MIGA2: variants seen among roughly 807,000 people sequenced by gnomAD.
MIGA2 encodes mitoguardin 2.
Under a neutral mutation model 69.9 loss-of-function variants are expected in MIGA2, and 36 were observed. That is an observed-to-expected ratio of 0.52 (90% CI 0.39 to 0.68). MIGA2 has a LOEUF of 0.68. Among genes scored for constraint, MIGA2 ranks in the 30% least tolerant of loss-of-function variants. The probability of loss-of-function intolerance (pLI) is 0.00; values close to 1 mark genes in which losing one functional copy is unlikely to be tolerated. For synonymous variants in MIGA2, 333 were observed against 349.2 expected (o/e 0.95, Z 0.52); for missense variants, 660 against 787.7 (o/e 0.84, Z 1.94).
At chr9:129,049,521 C>T in intron 5 of MIGA2, 23 bp downstream of exon 5, 1 of 1,607,396 alleles carries the variant, frequency 6.2e-7, no homozygotes, top group Non-Finnish European at 8.5e-7. Context: ...GGTGCCTCAG[C>T]TTCGAGGGCA....
intron 10 of MIGA2, 47 bp from the exon 11 acceptor site, chr9:129,063,498 G>C: frequency 6.2e-7 from 1 of 1,604,706 alleles, no homozygotes; most frequent in Non-Finnish European, 8.5e-7. Context: ...GGCTTTGAGG[G>C]ACTGCCGTGC....
chr9:129,037,910 C>A (rs1377563660), intron 1 of MIGA2, among the ~76,000 whole-genome samples: 1 of 152,166 alleles, frequency 6.6e-6, no homozygotes, highest in Non-Finnish European at 1.5e-5. Flanking sequence ...AGAGCCTCCG[C>A]GTTTCCCCAT....
intron 6 of MIGA2, among the ~76,000 whole-genome samples, chr9:129,053,521 G>A (rs1253108628): frequency 6.6e-6 from 1 of 151,774 alleles, no homozygotes; most frequent in Non-Finnish European, 1.5e-5. Context: ...GTGTCACCAC[G>A]CCCGGCTAAT....
chr9:129,062,012 T>C (rs1301491322), intron 9 of MIGA2, among the ~76,000 whole-genome samples: 2 of 151,740 alleles, frequency 1.3e-5, no homozygotes, highest in East Asian at 3.9e-4. Context: ...ATTATTATCT[T>C]ATTATGATAA....
In MIGA2 at chr9:129,070,557, C is replaced by T. The variant is rs1027839689; in HGVS notation, c.*104C>T. 8 of 1,284,898 alleles carry T rather than the reference C, an allele frequency of 6.2e-6. No homozygotes were observed. The Admixed American group carries it at 1.7e-4, about 27-fold the overall frequency. The allele number at this position is 1,284,898 out of a possible 1,614,324, so 79.6% of individuals were successfully genotyped here. Reference sequence around the variant, plus strand: ...TGAGGGCCGTTGCCCCTGACTTTGCCCCACCCCCATCATCTGGGAGTCCCC... The same window carrying T: ...TGAGGGCCGTTGCCCCTGACTTTGCTCCACCCCCATCATCTGGGAGTCCCC... On this transcript the variant is annotated 3_prime_UTR_variant, in exon 16 of 16. Transcript: ENST00000684074.
At chr9:129,053,485 T>C (rs1346614775) in intron 6 of MIGA2, among the ~76,000 whole-genome samples, 3 of 151,856 alleles carry the variant, frequency 2.0e-5, no homozygotes, top group African/African-American at 7.3e-5. Flanking sequence ...TGCCTCAGCC[T>C]CCCGAGTAGT....
intron 6 of MIGA2, among the ~76,000 whole-genome samples, chr9:129,055,414 C>G (rs1362340472): frequency 6.6e-6 from 1 of 151,976 alleles, no homozygotes; most frequent in Non-Finnish European, 1.5e-5. Flanking sequence ...ATGATAAAGA[C>G]TAGTATCTAC....
chr9:129,049,725 T>C (rs1845417941), intron 5 of MIGA2, 102 bp from the exon 6 acceptor site: 2 of 1,577,740 alleles, frequency 1.3e-6, no homozygotes, highest in Admixed American at 3.6e-5. Flanking sequence ...CCCACCCAGT[T>C]CTTGCCCTTC....
At chr9:129,041,180 C>T (rs1283218935) in intron 2 of MIGA2, among the ~76,000 whole-genome samples, 1 of 152,166 alleles carries the variant, frequency 6.6e-6, no homozygotes, top group Non-Finnish European at 1.5e-5. Context: ...ACCAAAAGTA[C>T]AAAAATTAGC....
At chr9:129,048,978 G>C (rs1845378399) in intron 4 of MIGA2, among the ~76,000 whole-genome samples, 1 of 152,150 alleles carries the variant, frequency 6.6e-6, no homozygotes, top group South Asian at 2.1e-4. Context: ...GCAAGAGCTG[G>C]TTCTTGTCCT....
At chr9:129,065,598 C>A (rs1362611306) in intron 11 of MIGA2, among the ~76,000 whole-genome samples, 1 of 152,094 alleles carries the variant, frequency 6.6e-6, no homozygotes, top group Non-Finnish European at 1.5e-5. Context: ...GATCCACCCG[C>A]TTCAGCCTCC....
In MIGA2 at chr9:129,061,482, G is replaced by A. The variant is rs1211051328; in HGVS notation, c.1010+136G>A. On this transcript the variant is annotated intron_variant, in intron 9 of 15. Transcript: ENST00000684074. This position sits in a 1 kb window ranked among gnomAD's most constrained non-coding sequence, Gnocchi z 5.0. Reference sequence around the variant, plus strand: ...GTCCAGGCTGCCTGAGGGCCGTGGTGAGCTGGTGACAGCTCCTCCCCCAGC... The same window carrying A: ...GTCCAGGCTGCCTGAGGGCCGTGGTAAGCTGGTGACAGCTCCTCCCCCAGC... The A allele has an allele frequency of 4.0e-6, 3 of 741,142 alleles. No homozygotes were observed. The highest frequency in any genetic ancestry group is 6.6e-6 in the Non-Finnish European group (3 of 452,182). 45.9% of individuals were successfully genotyped at this position (741,142 alleles called of 1,614,324 possible).
Position 129,040,561 on chromosome 9 carries a change from C to T in MIGA2, c.-34C>T, listed in dbSNP as rs1312245392. On this transcript the variant is annotated 5_prime_UTR_variant, in exon 2 of 16. Coordinates refer to ENST00000684074, the MANE Select transcript of MIGA2 (RefSeq NM_001329990.2). ...AGACGTTCTCCTTGGAAGCTCTTGG[C>T]CCTGAGGACTTTGCCTGGGGCATTG... 7 of 1,598,472 alleles carry T rather than the reference C, an allele frequency of 4.4e-6. No individual in the cohort carries two copies. Among genetic ancestry groups the T allele is most frequent in the Non-Finnish European group, 5.1e-6 (6 of 1,169,542 alleles).
At chr9:129,049,333 G>A in intron 4 of MIGA2, 48 bp from the exon 5 acceptor site, 1 of 1,585,310 alleles carries the variant, frequency 6.3e-7, no homozygotes, top group East Asian at 2.3e-5. Context: ...GCCCTGCAGA[G>A]AGCCCGGGAA....
intron 1 of MIGA2, among the ~76,000 whole-genome samples, chr9:129,039,138 T>C (rs886555870): frequency 1.3e-5 from 2 of 150,702 alleles, no homozygotes; most frequent in African/African-American, 4.9e-5. Context: ...ATGTAAAGAA[T>C]GCAGCACAAA....
chr9:129,067,589 G>A, intron 11 of MIGA2, 184 bp from the exon 12 acceptor site: 1 of 595,214 alleles, frequency 1.7e-6, no homozygotes, highest in Non-Finnish European at 3.0e-6. Context: ...GACCTGACTG[G>A]GTGCCCTGGT....
intron 6 of MIGA2, among the ~76,000 whole-genome samples, chr9:129,050,231 C>T (rs1047688946): frequency 1.4e-4 from 22 of 152,284 alleles, no homozygotes; most frequent in Middle Eastern, 3.4e-3. Context: ...GAAGGGAAGG[C>T]GCCTCTGTTG....
chr9:129,070,757 AG>A lies in MIGA2; in HGVS notation c.*307del. 2.3e-6 allele frequency: 1 copy of A among 426,136 alleles called. No individual in the cohort carries two copies. The highest frequency in any genetic ancestry group is 4.3e-6 in the Non-Finnish European group (1 of 234,256). The allele number at this position is 426,136 out of a possible 1,614,324, so 26.4% of individuals were successfully genotyped here. A position where few individuals can be genotyped will look rare whatever the true frequency, so the allele number is the denominator to read the frequency against. On this transcript the variant is annotated 3_prime_UTR_variant, in exon 16 of 16. Coordinates refer to ENST00000684074, the MANE Select transcript of MIGA2 (RefSeq NM_001329990.2). ...GGACCCCAAAACCTCCCATCGCTCC[AG>A]GGCTGCTGACAAGGGTGCTGGGAGG...
chr9:129,069,690 AT>A lies in MIGA2; in HGVS notation c.1459-158del. On this transcript the variant is annotated intron_variant, in intron 14 of 15. Coordinates refer to ENST00000684074, the MANE Select transcript of MIGA2 (RefSeq NM_001329990.2). The surrounding 1 kb of genome is among the most constrained non-coding windows in gnomAD (Gnocchi z 4.9). ...GGTTACCCTGTCTGCAGAAGTTAAA[AT>A]GGGCTTCGAAAGCTTGAGTCACTGC... 1.5e-6 allele frequency: 1 copy of A among 675,332 alleles called. No individual in the cohort carries two copies. Among genetic ancestry groups the A allele is most frequent in the African/African-American group, 1.8e-5 (1 of 56,444 alleles). 41.8% of individuals were successfully genotyped at this position (675,332 alleles called of 1,614,324 possible).
Sources: gnomAD v4.1 joint callset for allele counts (sites outside exome capture counted in the v4.1 genomes callset) on GRCh38, gnomAD v4.1.1 for gene constraint, Gnocchi (gnomAD v3.1) non-coding constraint, MANE v1.5 for transcripts, NCBI Gene and HGNC (gene_info 2026-07-23, HGNC 2026-07-21) for gene names.